SMIM12: variants seen among roughly 807,000 people sequenced by gnomAD.
SMIM12 encodes UPF0767 protein C1orf212.
SMIM12 carries 5 observed loss-of-function variants against 6.3 expected under a neutral mutation model. The ratio of observed to expected loss-of-function variants is 0.80; its 90% confidence interval spans 0.42 to 1.68. The LOEUF is 1.68. Ranked by LOEUF, SMIM12 falls within the 40% of genes most tolerant of loss-of-function variation. The probability of loss-of-function intolerance (pLI) is 0.02; values close to 1 mark genes in which losing one functional copy is unlikely to be tolerated. For synonymous variants in SMIM12, 51 were observed against 48.0 expected, an observed-to-expected ratio of 1.06 and a Z score of -0.26; for missense variants, 103 against 121.4, an observed-to-expected ratio of 0.85 and a Z score of 0.71.
rs1638555509 is a variant in SMIM12 at position 34,853,996 on chromosome 1, AC to A, written c.*1702del. Reference sequence around the variant, plus strand: ...AGACTCCATATTTAAAACAACAACAACAACAACAACAAAAAAAAACTACAGA... The same window carrying A: ...AGACTCCATATTTAAAACAACAACAAAACAACAACAAAAAAAAACTACAGA... On this transcript the variant is annotated 3_prime_UTR_variant, in exon 2 of 2. Coordinates refer to ENST00000521580, the MANE Select transcript of SMIM12 (RefSeq NM_138428.6). 7.7e-6 allele frequency: 1 copy of A among 130,472 alleles called. No homozygotes were observed. Among genetic ancestry groups the A allele is most frequent in the Non-Finnish European group, 1.6e-5 (1 of 64,136 alleles). 8.1% of individuals were successfully genotyped at this position (130,472 alleles called of 1,614,324 possible).
At chr1:34,857,240 G>GGGGGTGGGGT (rs1197892272) in intron 1 of SMIM12, 3 of 151,938 alleles carry the variant, frequency 2.0e-5, no homozygotes, top group African/African-American at 2.4e-5. Context: ...TACAAGCCCG[G>GGGGGTGGGGT]GGGGTGGGGT....
chr1:34,855,886 A>G lies in SMIM12; in HGVS notation c.92T>C (p.Leu31Pro). The G allele has an allele frequency of 6.4e-7, 1 of 1,551,674 alleles. No homozygotes were observed. Among genetic ancestry groups the G allele is most frequent in the South Asian group, 1.2e-5 (1 of 84,054 alleles). ...AFVVGAVGYH[L>P]EWFIRGKDPQ... ...GTCCTTTCCCCTGATGAACCATTCC[A>G]GGTGGTAACCCACAGCCCCGACCAC... The change falls in exon 2 of 2, where the codon CTG (leucine) becomes CCG (proline). Residue 31 changes from leucine (L) to proline (P), a missense_variant. Coordinates refer to ENST00000521580, the MANE Select transcript of SMIM12 (RefSeq NM_138428.6).
chr1:34,854,331 A>G lies in SMIM12; in HGVS notation c.*1368T>C, dbSNP rs563313439. The G allele has an allele frequency of 1.3e-4, 20 of 152,292 alleles. No homozygotes were observed. Among genetic ancestry groups the G allele is most frequent in the African/African-American group, 4.6e-4 (19 of 41,540 alleles). The allele number at this position is 152,292 out of a possible 1,614,324, so 9.4% of individuals were successfully genotyped here. On this transcript the variant is annotated 3_prime_UTR_variant, in exon 2 of 2. Coordinates refer to ENST00000521580, the MANE Select transcript of SMIM12 (RefSeq NM_138428.6). ...TCCAAAAAAAAAGAAAAAAGAAACT[A>G]CAGGCCAAGGCCGGAGGATCACTTG...
chr1:34,855,196 C>A lies in SMIM12; in HGVS notation c.*503G>T. The A allele has an allele frequency of 7.3e-7, 1 of 1,368,340 alleles. No individual in the cohort carries two copies. Among genetic ancestry groups the A allele is most frequent in the Non-Finnish European group, 9.8e-7 (1 of 1,022,306 alleles). 84.8% of individuals were successfully genotyped at this position (1,368,340 alleles called of 1,614,324 possible). ...GCTTCCCAGAACAGAAAAGTGCTTT[C>A]CTTCCTGGGGGAATCCCATTCCTGA... On this transcript the variant is annotated 3_prime_UTR_variant, in exon 2 of 2. Coordinates refer to ENST00000521580, the MANE Select transcript of SMIM12 (RefSeq NM_138428.6).
chr1:34,852,247 G>C lies in SMIM12; in HGVS notation c.*3452C>G, dbSNP rs182938280. ...CCCAAAGATAGGGCTCTCTCGACCA[G>C]ACACCAAGTGGAGGCCAACGGGTGG... On this transcript the variant is annotated 3_prime_UTR_variant, in exon 2 of 2. Transcript: ENST00000521580. Among the ~76,000 whole-genome samples, 37 of 152,270 alleles carry C rather than the reference G, an allele frequency of 2.4e-4. No homozygotes were observed. In the East Asian group the frequency reaches 7.2e-3, roughly 29 times the overall value.
rs768384287 is a variant in SMIM12 at position 34,855,912 on chromosome 1, G to A, written c.66C>T (p.Phe22=). The A allele has an allele frequency of 5.8e-6, 9 of 1,551,578 alleles. No homozygotes were observed. The highest frequency in any genetic ancestry group is 2.4e-5 in the East Asian group (1 of 40,916). The change falls in exon 2 of 2, where the codon TTC becomes TTT. Residue 22 remains phenylalanine, a synonymous_variant. Transcript: ENST00000521580. ...YAPYVTFPVA[F]VVGAVGYHLE... ...GGTGGTAACCCACAGCCCCGACCAC[G>A]AAGGCAACAGGGAATGTGACATAAG...
rs1557439781 is a variant in SMIM12, at chr1:34,859,725, T to C, written c.-54A>G. 6.6e-6 allele frequency: 1 copy of C among 152,314 alleles called. No individual in the cohort carries two copies. Among genetic ancestry groups the C allele is most frequent in the African/African-American group, 2.4e-5 (1 of 41,434 alleles). The allele number at this position is 152,314 out of a possible 1,614,324, so 9.4% of individuals were successfully genotyped here. A position where few individuals can be genotyped will look rare whatever the true frequency, so the allele number is the denominator to read the frequency against. ...AGTGCGGCCCCCGCTCTCCGCCCGC[T>C]CGCCGGGAGCACGGAAGTCGCCGCA... On this transcript the variant is annotated 5_prime_UTR_variant, in exon 1 of 2. Coordinates refer to ENST00000521580, the MANE Select transcript of SMIM12 (RefSeq NM_138428.6).
At position 34,852,673 on chromosome 1, in the gene SMIM12, T is replaced by G. The variant is rs996708437; in HGVS notation, c.*3026A>C. ...TGAATTTCTAGCATCTCTTCATTTT[T>G]TTTTTTTTACCCCCTCTGGAGCTCT... is the stretch of plus-strand genomic sequence containing the variant. On this transcript the variant is annotated 3_prime_UTR_variant, in exon 2 of 2. Coordinates refer to ENST00000521580, the MANE Select transcript of SMIM12 (RefSeq NM_138428.6). The G allele has an allele frequency of 6.6e-6, 1 of 151,640 alleles. No homozygotes were observed. The highest frequency in any genetic ancestry group is 6.6e-5 in the Admixed American group (1 of 15,220). 9.4% of individuals were successfully genotyped at this position (151,640 alleles called of 1,614,324 possible). A position where few individuals can be genotyped will look rare whatever the true frequency, so the allele number is the denominator to read the frequency against.
At chr1:34,857,512 C>T (rs959871934) in intron 1 of SMIM12, 9 of 152,282 alleles carry the variant, frequency 5.9e-5, no homozygotes, top group African/African-American at 1.2e-4. Flanking sequence ...ATGTCCACCA[C>T]GTGAGGTAGA....
Position 34,853,246 on chromosome 1 carries a change from G to A in SMIM12, c.*2453C>T, listed in dbSNP as rs1199332369. ...TCACGAGAGAGAACCTAAGAAGCAG[G>A]GCCAATACCCACTCCCTTTTAGAGG... On this transcript the variant is annotated 3_prime_UTR_variant, in exon 2 of 2. Transcript: ENST00000521580. 1 of 152,288 alleles carries A rather than the reference G, an allele frequency of 6.6e-6. No individual in the cohort carries two copies. The highest frequency in any genetic ancestry group is 1.5e-5 in the Non-Finnish European group (1 of 68,120). The allele number at this position is 152,288 out of a possible 1,614,324, so 9.4% of individuals were successfully genotyped here.
At position 34,850,584 on chromosome 1, in the gene SMIM12, T is replaced by C. The variant is rs1335431497; in HGVS notation, c.*5115A>G. 1.4e-5 allele frequency: 2 copies of C among 142,770 alleles called. No individual in the cohort carries two copies. The highest frequency in any genetic ancestry group is 3.2e-5 in the Non-Finnish European group (2 of 62,138). 8.8% of individuals were successfully genotyped at this position (142,770 alleles called of 1,614,324 possible). ...ATTTTATTATTCAGACTGGCTGCCA[T>C]CCCAACTAGATAAAGGAGGTTTTAC... On this transcript the variant is annotated 3_prime_UTR_variant, in exon 2 of 2. Transcript: ENST00000521580.
At position 34,855,826 on chromosome 1, in the gene SMIM12, T is replaced by C; in HGVS notation, c.152A>G (p.Glu51Gly). 2 of 1,552,042 alleles carry C rather than the reference T, an allele frequency of 1.3e-6. No individual in the cohort carries two copies. The highest frequency in any genetic ancestry group is 1.7e-6 in the Non-Finnish European group (2 of 1,147,134). The change falls in exon 2 of 2, where the codon GAG becomes GGG. Residue 51 changes from glutamate (E) to glycine (G), a missense_variant. Transcript: ENST00000521580. ...QPVEEEKSIS[E>G]RREDRKLDEL... Reference sequence around the variant, plus strand: ...ATCCAGCTTGCGATCCTCCCGGCGCTCTGAGATGCTCTTTTCCTCCTCCAC... The same window carrying C: ...ATCCAGCTTGCGATCCTCCCGGCGCCCTGAGATGCTCTTTTCCTCCTCCAC...
intron 1 of SMIM12, chr1:34,856,412 T>G (rs1638654981): frequency 6.4e-6 from 1 of 156,170 alleles, no homozygotes; most frequent in Non-Finnish European, 1.4e-5. Flanking sequence ...ATGCGAGAGG[T>G]GGATCCCTGA....
At position 34,850,610 on chromosome 1, in the gene SMIM12, T is replaced by C. The variant is rs954922977; in HGVS notation, c.*5089A>G. The C allele has an allele frequency of 2.0e-5, 3 of 152,344 alleles. No individual in the cohort carries two copies. Among genetic ancestry groups the C allele is most frequent in the Admixed American group, 6.5e-5 (1 of 15,308 alleles). 9.4% of individuals were successfully genotyped at this position (152,344 alleles called of 1,614,324 possible). On this transcript the variant is annotated 3_prime_UTR_variant, in exon 2 of 2. Transcript: ENST00000521580. ...CCCAACTAGATAAAGGAGGTTTTACTGGGCTGTAATATCTAGCACTTGCAT... is the reference window on the plus strand; with the variant it reads ...CCCAACTAGATAAAGGAGGTTTTACCGGGCTGTAATATCTAGCACTTGCAT...
chr1:34,850,403 T>G lies in SMIM12; in HGVS notation c.*5296A>C, dbSNP rs887265714. Reference sequence around the variant, plus strand: ...TAATTCAAAAAGAATAAACTGTTTTTTAAGTACCAGAGGCACTGCTGGAAC... The same window carrying G: ...TAATTCAAAAAGAATAAACTGTTTTGTAAGTACCAGAGGCACTGCTGGAAC... On this transcript the variant is annotated 3_prime_UTR_variant, in exon 2 of 2. Coordinates refer to ENST00000521580, the MANE Select transcript of SMIM12 (RefSeq NM_138428.6). Among the ~76,000 whole-genome samples, 1 of 152,236 alleles carries G rather than the reference T, an allele frequency of 6.6e-6. No individual in the cohort carries two copies. The highest frequency in any genetic ancestry group is 1.5e-5 in the Non-Finnish European group (1 of 68,036).
chr1:34,852,407 T>C lies in SMIM12; in HGVS notation c.*3292A>G, dbSNP rs1640955261. Among the ~76,000 whole-genome samples, 1 of 149,722 alleles carries C rather than the reference T, an allele frequency of 6.7e-6. No homozygotes were observed. The highest frequency in any genetic ancestry group is 2.1e-4 in the South Asian group (1 of 4,756). ...TGCCTTTGTACAGGATGCCCAAAAG[T>C]GTTTTGAGGGAAACCAATTCTGGGA... On this transcript the variant is annotated 3_prime_UTR_variant, in exon 2 of 2. Coordinates refer to ENST00000521580, the MANE Select transcript of SMIM12 (RefSeq NM_138428.6).
intron 1 of SMIM12, chr1:34,858,635 C>T (rs535739649): frequency 6.6e-6 from 1 of 152,188 alleles, no homozygotes; most frequent in Non-Finnish European, 1.5e-5. Context: ...TAAGTAAATG[C>T]TTCCCTAAAT....
In SMIM12 at chr1:34,853,835, T is replaced by C. The variant is rs576786760; in HGVS notation, c.*1864A>G. 86 of 151,558 alleles carry C rather than the reference T, an allele frequency of 5.7e-4. No individual in the cohort carries two copies. The highest frequency in any genetic ancestry group is 1.7e-3 in the African/African-American group (69 of 41,270). The allele number at this position is 151,558 out of a possible 1,614,324, so 9.4% of individuals were successfully genotyped here. ...CTGTCTCTACTAAAAATACAAAAAT[T>C]AGCCAGGCGTAGCGGCGCACACCTG... On this transcript the variant is annotated 3_prime_UTR_variant, in exon 2 of 2. Transcript: ENST00000521580.
At position 34,855,260 on chromosome 1, in the gene SMIM12, A is replaced by C; in HGVS notation, c.*439T>G. ...ATTTCAGTAAGAATGAGCACAAAGG[A>C]TAGGGCAAAATAGTGAAGGGAGCCA... On this transcript the variant is annotated 3_prime_UTR_variant, in exon 2 of 2. Coordinates refer to ENST00000521580, the MANE Select transcript of SMIM12 (RefSeq NM_138428.6). 1 of 1,371,704 alleles carries C rather than the reference A, an allele frequency of 7.3e-7. No homozygotes were observed. Among genetic ancestry groups the C allele is most frequent in the Non-Finnish European group, 9.8e-7 (1 of 1,024,692 alleles). The allele number at this position is 1,371,704 out of a possible 1,614,324, so 85.0% of individuals were successfully genotyped here. A position where few individuals can be genotyped will look rare whatever the true frequency, so the allele number is the denominator to read the frequency against.
Sources: allele counts gnomAD v4.1 joint callset (sites outside exome capture counted in the v4.1 genomes callset), GRCh38; gene constraint gnomAD v4.1.1; transcripts MANE v1.5; gene names NCBI Gene and HGNC (gene_info 2026-07-23, HGNC 2026-07-21).